Variants in BCAS3 observed in about 807,000 individuals in gnomAD.
BCAS3 encodes BCAS3 microtubule associated cell migration factor.
Under a neutral mutation model 116.1 loss-of-function variants are expected in BCAS3, and 53 were observed. That is an observed-to-expected ratio of 0.46 (90% CI 0.37 to 0.57). BCAS3 has a LOEUF of 0.57. Among genes scored for constraint, BCAS3 ranks in the 20% least tolerant of loss-of-function variants. BCAS3 has a pLI of 0.00. For missense variants in BCAS3, 917 were observed against 1,165.4 expected (o/e 0.79, Z 3.10); for synonymous variants, 391 against 408.2 (o/e 0.96, Z 0.51).
At chr17:61,103,647 T>G (rs1235374101) in intron 22 of BCAS3, among the ~76,000 whole-genome samples, 4 of 152,212 alleles carry the variant, frequency 2.6e-5, no homozygotes, top group Non-Finnish European at 5.9e-5. Context: ...TCAGACTGTT[T>G]ATGTGTGTTT....
chr17:61,146,221 G>A (rs752654375), intron 22 of BCAS3, among the ~76,000 whole-genome samples: 3 of 150,124 alleles, frequency 2.0e-5, no homozygotes, highest in Admixed American at 1.3e-4. Context: ...ATCCTCCCAC[G>A]TCAGTCTCCT....
chr17:61,307,747 C>A lies in BCAS3; in HGVS notation c.2426-60580C>A, dbSNP rs2053961645. Among the ~76,000 whole-genome samples the A allele has an allele frequency of 6.6e-6, 1 of 152,178 alleles. No individual in the cohort carries two copies. The highest frequency in any genetic ancestry group is 2.4e-5 in the African/African-American group (1 of 41,428). On this transcript the variant is annotated intron_variant, in intron 22 of 23. Coordinates refer to ENST00000407086, the MANE Select transcript of BCAS3 (RefSeq NM_017679.5). The surrounding 1 kb of genome is among the most constrained non-coding windows in gnomAD (Gnocchi z 4.7). ...CATTCCTGAGTAGGGTCTTAATGGCCAGTTCAAGAAATAATCAAGTTAAGT... is the reference window on the plus strand; with the variant it reads ...CATTCCTGAGTAGGGTCTTAATGGCAAGTTCAAGAAATAATCAAGTTAAGT...
intron 5 of BCAS3, chr17:60,727,354 C>T: frequency 6.6e-7 from 1 of 1,512,674 alleles, no homozygotes; most frequent in Non-Finnish European, 9.2e-7. Flanking sequence ...AGCCACTCTG[C>T]TTCCGATCAT....
At chr17:60,729,541 C>T (rs1004429279) in intron 5 of BCAS3, among the ~76,000 whole-genome samples, 26 of 152,038 alleles carry the variant, frequency 1.7e-4, no homozygotes, top group Admixed American at 1.3e-3. Flanking sequence ...TAAAAAAAAT[C>T]ATCTTGTTAA....
At chr17:60,863,601 A>G (rs2054339889) in intron 7 of BCAS3, among the ~76,000 whole-genome samples, 1 of 152,064 alleles carries the variant, frequency 6.6e-6, no homozygotes, top group African/African-American at 2.4e-5. Context: ...ATAAAATAAA[A>G]AAATTAGCTG....
At chr17:60,689,985 G>T (rs1053861123) in intron 4 of BCAS3, among the ~76,000 whole-genome samples, 1 of 152,202 alleles carries the variant, frequency 6.6e-6, no homozygotes, top group Non-Finnish European at 1.5e-5. Flanking sequence ...AAACTTTGAT[G>T]AAGTTAAAGT....
chr17:60,693,172 A>G (rs933010289), intron 4 of BCAS3, among the ~76,000 whole-genome samples: 4 of 151,888 alleles, frequency 2.6e-5, no homozygotes, highest in African/African-American at 9.7e-5. Context: ...CACTGACTTG[A>G]TTTATACCCA....
At chr17:60,846,380 G>C (rs887654649) in intron 7 of BCAS3, among the ~76,000 whole-genome samples, 1 of 152,164 alleles carries the variant, frequency 6.6e-6, no homozygotes, top group Non-Finnish European at 1.5e-5. Flanking sequence ...TTCTCATTCA[G>C]ATTGGCTCAA....
intron 7 of BCAS3, among the ~76,000 whole-genome samples, chr17:60,832,317 C>T (rs1480376724): frequency 4.6e-5 from 7 of 152,116 alleles, no homozygotes; most frequent in Non-Finnish European, 8.8e-5. Context: ...CCTGCTAATG[C>T]CTGCAGCGGG....
At position 60,854,259 on chromosome 17, in the gene BCAS3, T is replaced by C. The variant is rs562208754; in HGVS notation, c.477-14317T>C. Among the ~76,000 whole-genome samples, 51 of 152,322 alleles carry C rather than the reference T, an allele frequency of 3.3e-4. No homozygotes were observed. In the Middle Eastern group the frequency reaches 0.014, roughly 41 times the overall value. On this transcript the variant is annotated intron_variant, in intron 7 of 23. Coordinates refer to ENST00000407086, the MANE Select transcript of BCAS3 (RefSeq NM_017679.5). ...TTTTTTATGGCTGCATAGTATTCCA[T>C]GGTGTATATGTGCCACATTTTCTCA...
At chr17:61,328,991 T>C (rs142553097) in intron 22 of BCAS3, among the ~76,000 whole-genome samples, 2,485 of 146,868 alleles carry the variant, frequency 0.017, 44 homozygotes, top group Admixed American at 0.052. Context: ...GCCTCCTGGG[T>C]TCAAGCAATT....
chr17:61,184,685 A>G (rs1163938573), intron 22 of BCAS3, among the ~76,000 whole-genome samples: 1 of 152,200 alleles, frequency 6.6e-6, no homozygotes, highest in Non-Finnish European at 1.5e-5. Flanking sequence ...CATTCGCAAT[A>G]GCCAAAAACT....
chr17:61,014,421 T>G (rs550816245), intron 15 of BCAS3, among the ~76,000 whole-genome samples: 40 of 152,192 alleles, frequency 2.6e-4, no homozygotes, highest in African/African-American at 9.4e-4. Flanking sequence ...TAGAACCACA[T>G]GTATATGGTC....
intron 22 of BCAS3, among the ~76,000 whole-genome samples, chr17:61,270,852 A>G (rs1029724179): frequency 6.6e-6 from 1 of 151,720 alleles, no homozygotes; most frequent in Non-Finnish European, 1.5e-5. Flanking sequence ...CTGGGATTAC[A>G]GGCTTCAAGC....
chr17:61,334,670 A>AC lies in BCAS3; in HGVS notation c.2426-33657_2426-33656insC, dbSNP rs1227068407. Among the ~76,000 whole-genome samples, 652 of 144,440 alleles carry AC rather than the reference A, an allele frequency of 4.5e-3. 9 individuals are homozygous for AC. The highest frequency in any genetic ancestry group is 5.5e-3 in the Non-Finnish European group (370 of 67,504). 94.8% of individuals were successfully genotyped at this position (144,440 alleles called of 152,430 possible). A position where few individuals can be genotyped will look rare whatever the true frequency, so the allele number is the denominator to read the frequency against. On this transcript the variant is annotated intron_variant, in intron 22 of 23. Coordinates refer to ENST00000407086, the MANE Select transcript of BCAS3 (RefSeq NM_017679.5). ...CAACAGCAAAACTCCATCTCAAAAA[A>AC]AAAAAAAAAAAAAAAAAAACACCAA... is the stretch of plus-strand genomic sequence containing the variant.
At chr17:61,375,704 CGT>C (rs1258400100) in intron 23 of BCAS3, among the ~76,000 whole-genome samples, 5 of 151,888 alleles carry the variant, frequency 3.3e-5, no homozygotes, top group African/African-American at 1.2e-4. Flanking sequence ...TCCTGGGTAG[CGT>C]GGATTACAGG....
chr17:60,890,398 G>C (rs1325199365), intron 10 of BCAS3, among the ~76,000 whole-genome samples: 8 of 152,184 alleles, frequency 5.3e-5, no homozygotes, highest in Admixed American at 2.6e-4. Context: ...AGGTTGTGGT[G>C]AGCTGAGATC....
At chr17:61,284,014 C>T (rs2051490640) in intron 22 of BCAS3, among the ~76,000 whole-genome samples, 1 of 152,094 alleles carries the variant, frequency 6.6e-6, no homozygotes, top group African/African-American at 2.4e-5. Flanking sequence ...GAGGTGAAGC[C>T]GGCTGGGCTT....
Position 61,078,319 on chromosome 17 carries a change from CT to C in BCAS3, c.2131-13del. ...TCACAAACCATTTAAATCATCATTG[CT>C]ACTCCATTCCAGGTTGAAATTGTAA... On this transcript the variant is annotated splice_polypyrimidine_tract_variant and intron_variant, in intron 20 of 23. Coordinates refer to ENST00000407086, the MANE Select transcript of BCAS3 (RefSeq NM_017679.5). 1.2e-6 allele frequency: 2 copies of C among 1,602,758 alleles called. No individual in the cohort carries two copies. The highest frequency in any genetic ancestry group is 1.7e-6 in the Non-Finnish European group (2 of 1,172,754).
Sources: gnomAD v4.1 joint callset for allele counts (sites outside exome capture counted in the v4.1 genomes callset) on GRCh38, gnomAD v4.1.1 for gene constraint, Gnocchi (gnomAD v3.1) non-coding constraint, MANE v1.5 for transcripts, NCBI Gene and HGNC (gene_info 2026-07-23, HGNC 2026-07-21) for gene names.